The following KYAT1 variants were observed in gnomAD, a reference collection of about 807,000 sequenced individuals.
The protein encoded by KYAT1 is kynurenine--oxoglutarate transaminase 1.
A neutral mutation model predicts 52.4 loss-of-function variants in KYAT1; 47 were observed. That is an observed-to-expected ratio of 0.90 (90% CI 0.71 to 1.14). The LOEUF (loss-of-function observed/expected upper bound fraction) is 1.14. Ranked by LOEUF, KYAT1 falls within the 50% of genes most tolerant of loss-of-function variation. The pLI is 0.00. For missense variants in KYAT1, 480 were observed against 557.9 expected, an observed-to-expected ratio of 0.86 and a Z score of 1.41; for synonymous variants, 212 against 209.6, an observed-to-expected ratio of 1.01 and a Z score of -0.10.
rs1311132627 is a variant in KYAT1, at chr9:128,833,091, T to A, written c.*493A>T. On this transcript the variant is annotated 3_prime_UTR_variant, in exon 13 of 13. Coordinates refer to ENST00000302586, the MANE Select transcript of KYAT1 (RefSeq NM_004059.5). ...GTTAGATCAGCCATCAGCATGAGTG[T>A]GAAGCAGAGAGAAGCCGTCAATAAG... 2 of 166,000 alleles carry A rather than the reference T, an allele frequency of 1.2e-5. No homozygotes were observed. The highest frequency in any genetic ancestry group is 2.6e-5 in the Non-Finnish European group (2 of 76,506). The allele number at this position is 166,000 out of a possible 1,614,324, so 10.3% of individuals were successfully genotyped here.
rs1836167346 is a variant in KYAT1, at chr9:128,865,343, ATATATATATATATATATTTTTT to A, written c.-7+16532_-7+16553del. ...TATATATATATATATATATATATAT[ATATATATATATATATATTTTTT>A]TTTTTTTTTTTTTTGAGACAGAGTT... is the stretch of plus-strand genomic sequence containing the variant. On this transcript the variant is annotated intron_variant, in intron 1 of 12. Coordinates refer to ENST00000302586, the MANE Select transcript of KYAT1 (RefSeq NM_004059.5). Among the ~76,000 whole-genome samples the A allele has an allele frequency of 1.6e-3, 3 of 1,872 alleles. 1 individual carries two copies. The South Asian group carries it at 0.068, about 43-fold the overall frequency. 1.2% of individuals were successfully genotyped at this position (1,872 alleles called of 152,430 possible). A position where few individuals can be genotyped will look rare whatever the true frequency, so the allele number is the denominator to read the frequency against.
At chr9:128,861,123 C>A (rs142956292) in intron 1 of KYAT1, among the ~76,000 whole-genome samples, 188 of 152,314 alleles carry the variant, frequency 1.2e-3, no homozygotes, top group Middle Eastern at 3.4e-3. Context: ...CTGCCAAACG[C>A]AATACAATGA....
chr9:128,836,261 C>T (rs1383855180), intron 7 of KYAT1, among the ~76,000 whole-genome samples, 188 bp from the exon 8 acceptor site: 1 of 149,850 alleles, frequency 6.7e-6, no homozygotes, highest in Non-Finnish European at 1.5e-5. Context: ...TTCTCTCTCT[C>T]TCTCTCTCCC....
At chr9:128,851,512 G>A (rs1017534651) in intron 1 of KYAT1, among the ~76,000 whole-genome samples, 5 of 152,122 alleles carry the variant, frequency 3.3e-5, no homozygotes, top group Non-Finnish European at 7.3e-5. Context: ...TTCTGCCCAT[G>A]GTTTCCAGAA....
At chr9:128,876,717 C>A (rs548325347) in intron 1 of KYAT1, among the ~76,000 whole-genome samples, 3 of 148,840 alleles carry the variant, frequency 2.0e-5, no homozygotes, top group East Asian at 4.0e-4. Context: ...CGGCACCCGG[C>A]CTTTTTTTTT....
intron 1 of KYAT1, among the ~76,000 whole-genome samples, chr9:128,866,622 A>T (rs1406997262): frequency 6.7e-6 from 1 of 148,430 alleles, no homozygotes; most frequent in Non-Finnish European, 1.5e-5. Flanking sequence ...AAGAAAAGAA[A>T]ATAGTCGCCG....
At chr9:128,873,981 C>T (rs897140631) in intron 1 of KYAT1, among the ~76,000 whole-genome samples, 50 of 148,688 alleles carry the variant, frequency 3.4e-4, no homozygotes, top group African/African-American at 1.2e-3. Context: ...TGAGGCCGGG[C>T]GTGGTGGTTC....
chr9:128,842,612 C>T (rs1564459663), intron 3 of KYAT1, 42 bp downstream of exon 3: 1 of 1,597,964 alleles, frequency 6.3e-7, no homozygotes, highest in Non-Finnish European at 8.6e-7. Flanking sequence ...AGCCCTGTCC[C>T]CTTCCTCCCC....
chr9:128,875,253 T>G (rs565725300), intron 1 of KYAT1, among the ~76,000 whole-genome samples: 6 of 151,352 alleles, frequency 4.0e-5, no homozygotes, highest in South Asian at 2.1e-4. Flanking sequence ...TTTTTGTTTT[T>G]TTTTTTTTTT....
chr9:128,841,694 CAA>C (rs71383615), intron 3 of KYAT1, among the ~76,000 whole-genome samples: 52 of 105,850 alleles, frequency 4.9e-4, no homozygotes, highest in African/African-American at 7.6e-4. Context: ...GACTCCATCT[CAA>C]AAAAAAAAAA....
In KYAT1 at chr9:128,833,279, A is replaced by C; in HGVS notation, c.*305T>G. ...CTGGGATGTGATCGGTACATGGTGG[A>C]AGTCTACCGTCCGTCTCAGCCAAGC... On this transcript the variant is annotated 3_prime_UTR_variant, in exon 13 of 13. Coordinates refer to ENST00000302586, the MANE Select transcript of KYAT1 (RefSeq NM_004059.5). The C allele has an allele frequency of 1.9e-6, 1 of 532,148 alleles. No individual in the cohort carries two copies. The highest frequency in any genetic ancestry group is 3.4e-6 in the Non-Finnish European group (1 of 295,188). 33.0% of individuals were successfully genotyped at this position (532,148 alleles called of 1,614,324 possible). A position where few individuals can be genotyped will look rare whatever the true frequency, so the allele number is the denominator to read the frequency against.
intron 1 of KYAT1, chr9:128,847,407 C>T (rs1192053270): frequency 6.8e-7 from 1 of 1,464,476 alleles, no homozygotes; most frequent in South Asian, 1.2e-5. Flanking sequence ...ATGCAGGTGG[C>T]AGAGTATTGG....
chr9:128,866,630 C>T (rs1836420791), intron 1 of KYAT1, among the ~76,000 whole-genome samples: 1 of 149,852 alleles, frequency 6.7e-6, no homozygotes, highest in East Asian at 2.0e-4. Flanking sequence ...AAAATAGTCG[C>T]CGGGCGCAGT....
chr9:128,857,677 A>C (rs768684776), intron 1 of KYAT1, among the ~76,000 whole-genome samples: 13 of 152,212 alleles, frequency 8.5e-5, no homozygotes, highest in Non-Finnish European at 1.8e-4. Context: ...TCTACTAAAA[A>C]TACAAAAAAT....
intron 1 of KYAT1, among the ~76,000 whole-genome samples, chr9:128,846,342 A>G (rs1833088920): frequency 6.6e-6 from 1 of 152,218 alleles, no homozygotes; most frequent in Non-Finnish European, 1.5e-5. Context: ...AGGCACAAGA[A>G]TCACTTGAAC....
chr9:128,880,368 G>A (rs540706951), intron 1 of KYAT1, among the ~76,000 whole-genome samples: 3 of 152,270 alleles, frequency 2.0e-5, no homozygotes, highest in East Asian at 1.9e-4. Context: ...TCTCAGTGGC[G>A]AGGGATAAGC....
chr9:128,845,185 T>G (rs768697654), intron 2 of KYAT1, among the ~76,000 whole-genome samples, 168 bp downstream of exon 2: 2 of 152,074 alleles, frequency 1.3e-5, no homozygotes, highest in African/African-American at 2.4e-5. Flanking sequence ...AAGCTGAGAT[T>G]TGAACCAAGC....
chr9:128,848,394 G>A (rs1833435690), intron 1 of KYAT1, among the ~76,000 whole-genome samples: 1 of 151,488 alleles, frequency 6.6e-6, no homozygotes, highest in Admixed American at 6.6e-5. Flanking sequence ...GCACAATTTG[G>A]AAGCTTAATG....
intron 10 of KYAT1, 30 bp downstream of exon 10, chr9:128,835,451 G>A (rs773340033): frequency 2.1e-5 from 34 of 1,613,610 alleles, no homozygotes; most frequent in Middle Eastern, 1.6e-4. Flanking sequence ...CAGCCCCTGC[G>A]CCCTGCCCAG....
Sources: allele counts gnomAD v4.1 joint callset (sites outside exome capture counted in the v4.1 genomes callset), GRCh38; gene constraint gnomAD v4.1.1; transcripts MANE v1.5; gene names NCBI Gene and HGNC (gene_info 2026-07-23, HGNC 2026-07-21).